SLC28A1: variants seen among roughly 807,000 people sequenced by gnomAD.
SLC28A1 encodes the protein sodium/nucleoside cotransporter 1.
SLC28A1 carries 64 observed loss-of-function variants against 74.8 expected under a neutral mutation model. That is an observed-to-expected ratio of 0.86 (90% CI 0.70 to 1.05). SLC28A1 has a LOEUF of 1.05. Ranked by LOEUF, SLC28A1 falls within the 50% of genes least tolerant of loss-of-function variation. The pLI, the probability that SLC28A1 is intolerant of heterozygous loss-of-function variation, is 0.00. For synonymous variants in SLC28A1, 359 were observed against 335.0 expected, an observed-to-expected ratio of 1.07 and a Z score of -0.78; for missense variants, 828 against 822.8, an observed-to-expected ratio of 1.01 and a Z score of -0.08.
intron 6 of SLC28A1, 97 bp downstream of exon 6, chr15:84,895,220 C>T (rs1194247736): frequency 1.9e-6 from 3 of 1,578,678 alleles, no homozygotes; most frequent in African/African-American, 2.7e-5. Flanking sequence ...AGGAGGAAGG[C>T]TCTGTGTCAT....
intron 13 of SLC28A1, among the ~76,000 whole-genome samples, chr15:84,933,882 C>T (rs767258763): frequency 5.3e-5 from 8 of 152,118 alleles, no homozygotes; most frequent in Non-Finnish European, 7.4e-5. Flanking sequence ...GGCTGAGGCA[C>T]GAGAATTGCT....
chr15:84,905,800 G>A (rs1276813658), intron 8 of SLC28A1, 148 bp downstream of exon 8: 23 of 694,446 alleles, frequency 3.3e-5, no homozygotes, highest in Non-Finnish European at 5.8e-5. Context: ...CAGACCAGGT[G>A]GGCAGCTGGG....
At chr15:84,955,738 A>C in the SLC28A1 span, among the ~76,000 whole-genome samples, 7 of 152,164 alleles carry the variant, frequency 4.6e-5, no homozygotes, top group African/African-American at 1.4e-4. Flanking sequence ...GGAGGATAGA[A>C]TCTGAAAACA....
At chr15:84,960,228 C>CTTTTTTTTTTTTTTT in the SLC28A1 span, among the ~76,000 whole-genome samples, 4 of 85,588 alleles carry the variant, frequency 4.7e-5, no homozygotes, top group East Asian at 3.6e-4. Context: ...TGCCTGCCTG[C>CTTTTTTTTTTTTTTT]TTTTTTTTTT....
the SLC28A1 span, among the ~76,000 whole-genome samples, chr15:84,951,998 G>A: frequency 4.6e-5 from 7 of 152,202 alleles, no homozygotes; most frequent in East Asian, 5.8e-4. Context: ...AGCAGGAGTC[G>A]GCAGAGGTCC....
intron 8 of SLC28A1, among the ~76,000 whole-genome samples, chr15:84,907,015 C>A (rs1404399550): frequency 6.6e-6 from 1 of 152,172 alleles, no homozygotes; most frequent in Non-Finnish European, 1.5e-5. Context: ...CAGAGAAAGG[C>A]TGAAGAAAGC....
intron 6 of SLC28A1, among the ~76,000 whole-genome samples, chr15:84,898,336 T>C (rs1966234552): frequency 6.6e-6 from 1 of 152,162 alleles, no homozygotes; most frequent in African/African-American, 2.4e-5. Context: ...CCCAACACTT[T>C]GGGAGGGCGA....
At chr15:84,943,318 C>T in intron 15 of SLC28A1, 127 bp from the exon 16 acceptor site, 1 of 718,476 alleles carries the variant, frequency 1.4e-6, no homozygotes, top group Admixed American at 2.0e-5. Flanking sequence ...AGCGGCAGCA[C>T]AGAGGACTCA....
rs897718718 is a variant in SLC28A1 at position 84,944,841 on chromosome 15, C to T, written c.1848C>T (p.Tyr616=). ...TTLSSSSFEI[Y]QCCREAFQSV... Reference sequence around the variant, plus strand: ...TCAGCAGCAGTAGCTTTGAGATTTACCAGTGCTGCCGTGAGGCCTTCCAGA... The same window carrying T: ...TCAGCAGCAGTAGCTTTGAGATTTATCAGTGCTGCCGTGAGGCCTTCCAGA... Residue 616 remains tyrosine (Y), a synonymous_variant, in exon 18 of 19, where the codon TAC becomes TAT. Coordinates refer to ENST00000394573, the MANE Select transcript of SLC28A1 (RefSeq NM_004213.5). 1.2e-6 allele frequency: 2 copies of T among 1,613,588 alleles called. No homozygotes were observed. The highest frequency in any genetic ancestry group is 1.7e-6 in the Non-Finnish European group (2 of 1,179,660).
intron 11 of SLC28A1, among the ~76,000 whole-genome samples, chr15:84,923,491 A>C (rs1970104789): frequency 6.6e-6 from 1 of 152,166 alleles, no homozygotes; most frequent in Non-Finnish European, 1.5e-5. Context: ...ATGAGTAATG[A>C]AGGGCTTCGG....
At chr15:84,946,786 C>A (rs2079248226), downstream of SLC28A1, among the ~76,000 whole-genome samples, 1 of 152,182 alleles carries the variant, frequency 6.6e-6, no homozygotes, top group South Asian at 2.1e-4. Flanking sequence ...TGTCCCTCCC[C>A]TGCCTTCATT....
At chr15:84,911,873 A>AG (rs1968295927) in intron 9 of SLC28A1, among the ~76,000 whole-genome samples, 1 of 135,282 alleles carries the variant, frequency 7.4e-6, no homozygotes, top group Non-Finnish European at 1.6e-5. Flanking sequence ...AAAAAAAAAA[A>AG]AAAAGAAGAA....
At chr15:84,945,908 A>T (rs113386376), downstream of SLC28A1, 3,004 of 152,972 alleles carry the variant, frequency 0.02, 43 homozygotes, top group African/African-American at 0.029. Context: ...CACCCAGGCT[A>T]GAGTACAGTG....
At position 84,935,521 on chromosome 15, in the gene SLC28A1, G is replaced by T; in HGVS notation, c.1581+3G>T. 1 of 1,611,564 alleles carries T rather than the reference G, an allele frequency of 6.2e-7. No homozygotes were observed. The highest frequency in any genetic ancestry group is 1.1e-5 in the South Asian group (1 of 91,054). On this transcript the variant is annotated splice_donor_region_variant and intron_variant, in intron 15 of 18. Coordinates refer to ENST00000394573, the MANE Select transcript of SLC28A1 (RefSeq NM_004213.5). Reference sequence around the variant, plus strand: ...GCGACAGGAAGCAGTGGATCTCCGTGAGTGTCCCAGTCCCTTCCCTGCAGC... The same window carrying T: ...GCGACAGGAAGCAGTGGATCTCCGTTAGTGTCCCAGTCCCTTCCCTGCAGC...
At chr15:84,888,964 A>G in intron 4 of SLC28A1, 104 bp downstream of exon 4, 1 of 805,976 alleles carries the variant, frequency 1.2e-6, no homozygotes. Flanking sequence ...GGGGACGTGA[A>G]CCTTTGTTGA....
chr15:84,932,408 A>T (rs1405441655), intron 12 of SLC28A1, among the ~76,000 whole-genome samples: 1 of 152,190 alleles, frequency 6.6e-6, no homozygotes, highest in Non-Finnish European at 1.5e-5. Flanking sequence ...AGGGGCTGAC[A>T]TTGCTCTGCC....
Position 84,894,957 on chromosome 15 carries a change from C to G in SLC28A1, c.295C>G (p.Leu99Val). The G allele has an allele frequency of 6.2e-7, 1 of 1,614,142 alleles. No individual in the cohort carries two copies. Among genetic ancestry groups the G allele is most frequent in the Non-Finnish European group, 8.5e-7 (1 of 1,180,020 alleles). Residue 99 changes from leucine (L) to valine (V), a missense_variant, in exon 6 of 19, where the codon CTG becomes GTG. Transcript: ENST00000394573. ...LLCTGLSAFLLVACLLDFQRA... is the reference protein window; with the variant it reads ...LLCTGLSAFLVVACLLDFQRA... ...TCCCCCAGGGCTCTCTGCCTTCCTGCTGGTGGCCTGCCTCCTGGATTTCCA... is the reference window on the plus strand; with the variant it reads ...TCCCCCAGGGCTCTCTGCCTTCCTGGTGGTGGCCTGCCTCCTGGATTTCCA...
intron 9 of SLC28A1, among the ~76,000 whole-genome samples, chr15:84,913,512 C>T (rs1028683778): frequency 1.3e-5 from 2 of 152,220 alleles, no homozygotes; most frequent in South Asian, 4.1e-4. Flanking sequence ...AGGTCAGCTG[C>T]ACCAGCAGCA....
At chr15:84,933,329 C>T in intron 13 of SLC28A1, 54 bp downstream of exon 13, 1 of 1,594,760 alleles carries the variant, frequency 6.3e-7, no homozygotes, top group Middle Eastern at 1.7e-4. Flanking sequence ...GTGGGGGGAG[C>T]AAAGCAGAGG....
Sources: gnomAD v4.1 joint callset for allele counts (sites outside exome capture counted in the v4.1 genomes callset) on GRCh38, gnomAD v4.1.1 for gene constraint, MANE v1.5 for transcripts, NCBI Gene and HGNC (gene_info 2026-07-23, HGNC 2026-07-21) for gene names.